Variants in DYSF observed in about 807,000 individuals in gnomAD.
DYSF encodes the protein dysferlin.
DYSF carries 212 observed loss-of-function variants against 274.9 expected under a neutral mutation model. The observed-to-expected ratio is 0.77, with a 90% confidence interval of 0.69 to 0.86. The LOEUF is 0.86. DYSF is among the 40% of genes least tolerant of loss of function. DYSF has a pLI of 0.00. For missense variants in DYSF, 2,666 were observed against 2,783.2 expected (o/e 0.96, Z 0.95); for synonymous variants, 1,091 against 1,078.7 (o/e 1.01, Z -0.22).
chr2:71,554,235 C>T (rs188807807), intron 21 of DYSF, among the ~76,000 whole-genome samples: 17 of 152,328 alleles, frequency 1.1e-4, no homozygotes, highest in Admixed American at 7.8e-4. Context: ...GGCTCTCGCT[C>T]GCTTACTCAC....
intron 14 of DYSF, among the ~76,000 whole-genome samples, chr2:71,528,963 G>T (rs1046857606): frequency 6.6e-6 from 1 of 151,896 alleles, no homozygotes; most frequent in Non-Finnish European, 1.5e-5. Flanking sequence ...ACCCCCCACA[G>T]GCTTTCCTGG....
chr2:71,678,458 C>T (rs938583947), intron 52 of DYSF, among the ~76,000 whole-genome samples: 1 of 151,992 alleles, frequency 6.6e-6, no homozygotes, highest in Non-Finnish European at 1.5e-5. Flanking sequence ...TATGATTCCA[C>T]TTATATGAAA....
intron 36 of DYSF, 181 bp from the exon 37 acceptor site, chr2:71,611,064 G>T (rs952169833): frequency 1.5e-6 from 1 of 652,150 alleles, no homozygotes; most frequent in Admixed American, 2.1e-5. Flanking sequence ...AGAAGATGAT[G>T]CCTGGCCGAA....
intron 1 of DYSF, among the ~76,000 whole-genome samples, chr2:71,455,841 C>T (rs1235184253): frequency 6.6e-6 from 1 of 152,148 alleles, no homozygotes; most frequent in Non-Finnish European, 1.5e-5. Context: ...AGATTTTCTT[C>T]CACCTTCCCT....
intron 42 of DYSF, among the ~76,000 whole-genome samples, chr2:71,649,906 G>A (rs1266103400): frequency 6.6e-6 from 1 of 152,098 alleles, no homozygotes; most frequent in Non-Finnish European, 1.5e-5. Context: ...TGTGTGCCAG[G>A]CAAATGCAAA....
chr2:71,618,017 GGTGTGTGTGTGTGGTAGAGATGGTGTGT>G (rs2093949066), intron 40 of DYSF, among the ~76,000 whole-genome samples: 2 of 121,204 alleles, frequency 1.7e-5, no homozygotes, highest in Non-Finnish European at 3.4e-5. Context: ...GTAGAGATGG[GGTGTGTGTGTGTGGTAGAGATGGTGTGT>G]GTGTGTGTGT....
intron 45 of DYSF, among the ~76,000 whole-genome samples, chr2:71,662,011 T>G (rs1359008707): frequency 6.6e-6 from 1 of 152,108 alleles, no homozygotes; most frequent in East Asian, 1.9e-4. Flanking sequence ...CAGGGCCTGT[T>G]CCACAGTGGG....
intron 6 of DYSF, 140 bp from the exon 7 acceptor site, chr2:71,513,576 G>GA (rs1469350532): frequency 1.1e-6 from 1 of 914,750 alleles, no homozygotes; most frequent in Non-Finnish European, 1.7e-6. Context: ...CACTGATGGG[G>GA]AGGGAGGAGG....
intron 41 of DYSF, among the ~76,000 whole-genome samples, chr2:71,631,471 C>T (rs1351300077): frequency 6.6e-6 from 1 of 152,122 alleles, no homozygotes; most frequent in African/African-American, 2.4e-5. Flanking sequence ...AGCCTGGCCT[C>T]CCCCCACTCC....
At chr2:71,659,906 A>C (rs1219335806) in intron 44 of DYSF, among the ~76,000 whole-genome samples, 7 of 152,264 alleles carry the variant, frequency 4.6e-5, no homozygotes, top group Non-Finnish European at 5.9e-5. Flanking sequence ...GTTTAGGCCC[A>C]GCATGTGTCC....
intron 26 of DYSF, 112 bp downstream of exon 26, chr2:71,568,450 C>G: frequency 7.1e-7 from 1 of 1,415,526 alleles, no homozygotes; most frequent in Non-Finnish European, 9.6e-7. Context: ...CTTGCTCCTG[C>G]GCTGGTCATA....
chr2:71,665,072 G>C (rs928500172), intron 46 of DYSF, 90 bp from the exon 47 acceptor site: 1 of 1,598,992 alleles, frequency 6.3e-7, no homozygotes, highest in Admixed American at 1.7e-5. Flanking sequence ...GGGCAATGCT[G>C]TACATGGGGG....
chr2:71,486,097 C>A (rs993792928), intron 3 of DYSF, among the ~76,000 whole-genome samples: 1 of 152,122 alleles, frequency 6.6e-6, no homozygotes, highest in Non-Finnish European at 1.5e-5. Flanking sequence ...GTCCTCAGGC[C>A]TCTCCAGTTG....
At chr2:71,660,264 T>C (rs1430122460) in intron 44 of DYSF, among the ~76,000 whole-genome samples, 1 of 152,214 alleles carries the variant, frequency 6.6e-6, no homozygotes, top group Non-Finnish European at 1.5e-5. Context: ...ATGTGTGTAA[T>C]GCAGACTGTT....
chr2:71,480,846 A>T (rs774767949), intron 1 of DYSF, 37 bp from the exon 2 acceptor site: 32 of 1,596,266 alleles, frequency 2.0e-5, no homozygotes, highest in Non-Finnish European at 2.5e-5. Flanking sequence ...GAAAGGCGGG[A>T]TGTGTCTCTC....
upstream of DYSF, among the ~76,000 whole-genome samples, chr2:71,463,271 A>G (rs2081360317): frequency 6.6e-6 from 1 of 152,234 alleles, no homozygotes; most frequent in Non-Finnish European, 1.5e-5. Context: ...TTGCAACAGC[A>G]TGTGGGCTTG....
At chr2:71,636,859 C>T (rs994832771) in intron 41 of DYSF, among the ~76,000 whole-genome samples, 2 of 152,066 alleles carry the variant, frequency 1.3e-5, no homozygotes, top group Non-Finnish European at 2.9e-5. Flanking sequence ...GCAGGTGTGG[C>T]CGCTGAGGTG....
chr2:71,549,530 ACTTACCTTTG>A lies in DYSF; in HGVS notation c.1577-1508_1577-1499del, dbSNP rs563270954. 46 of 813,976 alleles carry A rather than the reference ACTTACCTTTG, an allele frequency of 5.7e-5. No individual in the cohort carries two copies. In the South Asian group the frequency reaches 7.2e-4, roughly 13 times the overall value. The allele number at this position is 813,976 out of a possible 1,614,324, so 50.4% of individuals were successfully genotyped here. On this transcript the variant is annotated intron_variant, in intron 17 of 55. Coordinates refer to ENST00000410020, the MANE Select transcript of DYSF (RefSeq NM_001130987.2). ...TTCCCCCACAAAGGTAAGTCCCTGG[ACTTACCTTTG>A]CTGTCACCTCTCGGCCTCTGTGGAG... is the stretch of plus-strand genomic sequence containing the variant.
chr2:71,588,977 G>A (rs765030499), intron 30 of DYSF, among the ~76,000 whole-genome samples: 7 of 152,146 alleles, frequency 4.6e-5, no homozygotes, highest in African/African-American at 9.7e-5. Flanking sequence ...CAGTGCTAAT[G>A]AGGGCGAGGT....
Sources: gnomAD v4.1 joint callset for allele counts (sites outside exome capture counted in the v4.1 genomes callset) on GRCh38, gnomAD v4.1.1 for gene constraint, MANE v1.5 for transcripts, NCBI Gene and HGNC (gene_info 2026-07-23, HGNC 2026-07-21) for gene names.